The following GPNMB variants were observed in gnomAD, a reference collection of about 807,000 sequenced individuals.
GPNMB encodes the protein transmembrane glycoprotein NMB.
In GPNMB, 71 loss-of-function variants were observed where a neutral mutation model predicts 57.3. The observed-to-expected ratio is 1.24, with a 90% CI of 1.02 to 1.51. The LOEUF (loss-of-function observed/expected upper bound fraction) is 1.51, where lower values mean the gene tolerates loss of function less well. GPNMB is among the 40% of genes most tolerant of loss of function. The probability of loss-of-function intolerance (pLI) is 0.00; values close to 1 mark genes in which losing one functional copy is unlikely to be tolerated. For synonymous variants in GPNMB, 253 were observed against 263.2 expected, an observed-to-expected ratio of 0.96 and a Z score of 0.38; for missense variants, 677 against 691.9, an observed-to-expected ratio of 0.98 and a Z score of 0.24.
Position 23,246,783 on chromosome 7 carries a change from A to G in GPNMB, c.-75A>G. 1.9e-6 allele frequency: 2 copies of G among 1,054,222 alleles called. No homozygotes were observed. The highest frequency in any genetic ancestry group is 3.0e-6 in the Non-Finnish European group (2 of 670,286). The allele number at this position is 1,054,222 out of a possible 1,614,324, so 65.3% of individuals were successfully genotyped here. ...GAGGCACCACAGATGCCAGAAGAAC[A>G]CTGTTGCTCTTGGTGGACGGGCCCA... is the stretch of plus-strand genomic sequence containing the variant. On this transcript the variant is annotated 5_prime_UTR_variant, in exon 1 of 11. Coordinates refer to ENST00000258733, the MANE Select transcript of GPNMB (RefSeq NM_002510.3).
chr7:23,274,008 G>A, intron 10 of GPNMB, 57 bp from the exon 11 acceptor site: 1 of 1,339,196 alleles, frequency 7.5e-7, no homozygotes, highest in Non-Finnish European at 1.0e-6. Context: ...ATTGTAGAAA[G>A]TTGTATATTT....
Position 23,266,621 on chromosome 7 carries a change from G to C in GPNMB, c.1117+6G>C, listed in dbSNP as rs373497685. ...AGCCACCATCACAATTGTAGGTAAG[G>C]CTGAAGATGATGACCAGTGAGGAAG... On this transcript the variant is annotated splice_donor_region_variant and intron_variant, in intron 7 of 10. Coordinates refer to ENST00000258733, the MANE Select transcript of GPNMB (RefSeq NM_002510.3). 2.7e-5 allele frequency: 43 copies of C among 1,612,880 alleles called. No homozygotes were observed. Among genetic ancestry groups the C allele is most frequent in the Non-Finnish European group, 3.3e-5 (39 of 1,179,410 alleles).
At position 23,270,192 on chromosome 7, in the gene GPNMB, G is replaced by A; in HGVS notation, c.1429+17G>A. On this transcript the variant is annotated intron_variant, in intron 9 of 10. Coordinates refer to ENST00000258733, the MANE Select transcript of GPNMB (RefSeq NM_002510.3). ...CTGACAGAGGTGAGTTTTGTTTTAT[G>A]GCCATATGAGCATTTCATACTGCAA... 1 of 1,569,960 alleles carries A rather than the reference G, an allele frequency of 6.4e-7. No homozygotes were observed. Among genetic ancestry groups the A allele is most frequent in the African/African-American group, 1.3e-5 (1 of 74,164 alleles).
At chr7:23,252,888 G>A (rs992838348) in intron 1 of GPNMB, among the ~76,000 whole-genome samples, 4 of 152,158 alleles carry the variant, frequency 2.6e-5, no homozygotes, top group South Asian at 2.1e-4. Context: ...AGTACGTGTC[G>A]CTTGGAATCT....
intron 3 of GPNMB, among the ~76,000 whole-genome samples, chr7:23,256,247 T>C (rs1782775500): frequency 6.6e-6 from 1 of 152,214 alleles, no homozygotes; most frequent in African/African-American, 2.4e-5. Flanking sequence ...CAACAAATTG[T>C]TGTTAACTAT....
chr7:23,258,181 T>A (rs1317104901), intron 4 of GPNMB: 1 of 152,236 alleles, frequency 6.6e-6, no homozygotes, highest in East Asian at 1.9e-4. Flanking sequence ...AAAATGTCAC[T>A]AGGTGCCACC....
At chr7:23,249,839 G>A (rs575126109) in intron 1 of GPNMB, among the ~76,000 whole-genome samples, 4 of 152,300 alleles carry the variant, frequency 2.6e-5, no homozygotes, top group South Asian at 2.1e-4. Context: ...ACAATTTCTT[G>A]GTTGTATGAT....
At chr7:23,273,981 T>C (rs1327695134) in intron 10 of GPNMB, 84 bp from the exon 11 acceptor site, 1 of 1,036,534 alleles carries the variant, frequency 9.6e-7, no homozygotes. Flanking sequence ...AATCCTTTTA[T>C]ACCTGGCATG....
intron 4 of GPNMB, among the ~76,000 whole-genome samples, chr7:23,259,433 C>T (rs1410912510): frequency 6.6e-6 from 1 of 152,084 alleles, no homozygotes; most frequent in African/African-American, 2.4e-5. Context: ...CCGCCTGCCT[C>T]GGCCTCCCAA....
chr7:23,248,473 T>C (rs766647147), intron 1 of GPNMB, among the ~76,000 whole-genome samples: 40 of 152,198 alleles, frequency 2.6e-4, no homozygotes, highest in African/African-American at 8.4e-4. Context: ...TTCACCTTGC[T>C]CTGGACTAAA....
chr7:23,266,533 C>A lies in GPNMB; in HGVS notation c.1035C>A (p.Asn345Lys), dbSNP rs777617425. 1.2e-6 allele frequency: 2 copies of A among 1,612,702 alleles called. No individual in the cohort carries two copies. The highest frequency in any genetic ancestry group is 1.7e-5 in the Admixed American group (1 of 59,996). ...PTPSLGPAGD[N>K]PLELSRIPDE... The stretch of plus-strand genomic sequence containing the variant: ...ACACCCCAGGACCTGCTGGTGACAA[C>A]CCCCTGGAGCTGAGTAGGATTCCTG... The change falls in exon 7 of 11, where the codon AAC becomes AAA. Residue 345 changes from asparagine to lysine, a missense_variant. Physicochemically the swap from Asn to Lys is moderately conservative, Grantham distance 94 (BLOSUM62 0). Coordinates refer to ENST00000258733, the MANE Select transcript of GPNMB (RefSeq NM_002510.3).
chr7:23,272,160 G>A (rs528317866), intron 9 of GPNMB, among the ~76,000 whole-genome samples: 7 of 152,328 alleles, frequency 4.6e-5, no homozygotes, highest in Non-Finnish European at 1.0e-4. Flanking sequence ...ACAGCTCAAA[G>A]TTTGTTTAGA....
At chr7:23,259,838 C>G (rs558843953) in intron 4 of GPNMB, 142 bp from the exon 5 acceptor site, 1 of 663,568 alleles carries the variant, frequency 1.5e-6, no homozygotes, top group Admixed American at 2.7e-5. Context: ...CACCATCTCC[C>G]TTTCTGAAGC....
intron 1 of GPNMB, chr7:23,247,371 C>T (rs1271227319): frequency 1.6e-5 from 3 of 185,820 alleles, no homozygotes; most frequent in Non-Finnish European, 3.4e-5. Flanking sequence ...AGCTATTGCT[C>T]CTCCTGCGGG....
At chr7:23,265,978 T>G (rs1783047363) in intron 6 of GPNMB, among the ~76,000 whole-genome samples, 8 of 151,428 alleles carry the variant, frequency 5.3e-5, no homozygotes, top group Admixed American at 4.0e-4. Context: ...AGACGGAGTC[T>G]CGCTCTGTCA....
At chr7:23,268,118 T>C (rs1783114794) in intron 8 of GPNMB, 130 bp downstream of exon 8, 1 of 648,280 alleles carries the variant, frequency 1.5e-6, no homozygotes. Context: ...TCCTATTTAC[T>C]GGTAACCCTA....
At chr7:23,249,113 G>A (rs1486069235) in intron 1 of GPNMB, among the ~76,000 whole-genome samples, 1 of 152,064 alleles carries the variant, frequency 6.6e-6, no homozygotes, top group Non-Finnish European at 1.5e-5. Flanking sequence ...GTAGAGACAG[G>A]GTTTTGCCAT....
chr7:23,260,572 T>C lies in GPNMB; in HGVS notation c.817T>C (p.Phe273Leu), dbSNP rs1360511376. Residue 273 changes from phenylalanine to leucine, a missense_variant, in exon 6 of 11, where the codon TTC (phenylalanine) becomes CTC (leucine). Coordinates refer to ENST00000258733, the MANE Select transcript of GPNMB (RefSeq NM_002510.3). ...TGTCCTGATTCATGATCCTAGCCAC[T>C]TCCTCAATTATTCTACCATTAACTA... ...FDVLIHDPSH[F>L]LNYSTINYKW... 1.9e-6 allele frequency: 3 copies of C among 1,613,942 alleles called. No homozygotes were observed.
At chr7:23,247,706 C>T (rs1002615165) in intron 1 of GPNMB, 11 of 152,328 alleles carry the variant, frequency 7.2e-5, no homozygotes, top group Non-Finnish European at 1.5e-5. Context: ...GTCAGAGCCG[C>T]AGAGGCCTGA....
Sources: allele counts gnomAD v4.1 joint callset (sites outside exome capture counted in the v4.1 genomes callset), GRCh38; gene constraint gnomAD v4.1.1; transcripts MANE v1.5; gene names NCBI Gene and HGNC (gene_info 2026-07-23, HGNC 2026-07-21).